Variants in REPS2 observed in about 807,000 individuals in gnomAD.
REPS2 encodes the protein ralBP1-associated Eps domain-containing protein 2.
In REPS2, 23 loss-of-function variants were observed where a neutral mutation model predicts 53.6. The ratio of observed to expected loss-of-function variants is 0.43; its 90% CI spans 0.31 to 0.61. The LOEUF (loss-of-function observed/expected upper bound fraction) is 0.61. Among genes scored for constraint, REPS2 ranks in the 20% least tolerant of loss-of-function variants. REPS2 has a pLI of 0.11. For missense variants in REPS2, 446 were observed against 534.9 expected (o/e 0.83, Z 1.64); for synonymous variants, 238 against 218.6 (o/e 1.09, Z -0.78).
chrX:17,140,418 C>T (rs989958369), intron 17 of REPS2, among the ~76,000 whole-genome samples: 1 of 110,583 alleles, frequency 9.0e-6, no homozygotes, highest in Non-Finnish European at 1.9e-5. Context: ...TTTTATACCC[C>T]AACCCCATTT....
intron 1 of REPS2, among the ~76,000 whole-genome samples, chrX:16,959,541 A>G (rs1355234765): frequency 8.9e-6 from 1 of 111,777 alleles, no homozygotes; most frequent in Non-Finnish European, 1.9e-5. Flanking sequence ...AAAGGTTGCT[A>G]TGGGAATGGA....
At chrX:17,080,422 C>T (rs1436919870) in intron 13 of REPS2, among the ~76,000 whole-genome samples, 1 of 110,553 alleles carries the variant, frequency 9.0e-6, no homozygotes, top group East Asian at 2.8e-4. Context: ...CTCCCCTTGC[C>T]AAGCTCCCCC....
rs779700957 is a variant in REPS2 at position 17,148,864 on chromosome X, G to C, written c.*1383G>C. On this transcript the variant is annotated 3_prime_UTR_variant, in exon 18 of 18. Transcript: ENST00000357277. Reference sequence around the variant, plus strand: ...CCCATTCTTAGGGTAGCAGGGTGGGGGTGTATAGGGTCTTTTTGAAGCAGT... The same window carrying C: ...CCCATTCTTAGGGTAGCAGGGTGGGCGTGTATAGGGTCTTTTTGAAGCAGT... The C allele has an allele frequency of 2.7e-6, 1 of 365,320 alleles. No homozygotes were observed. Among genetic ancestry groups the C allele is most frequent in the Non-Finnish European group, 5.3e-6 (1 of 188,526 alleles). The allele number at this position is 365,320 out of a possible 1,213,427, so 30.1% of individuals were successfully genotyped here.
At chrX:17,074,006 G>A in intron 11 of REPS2, 108 bp from the exon 12 acceptor site, 1 of 545,229 alleles carries the variant, frequency 1.8e-6, no homozygotes, top group South Asian at 3.9e-5. Flanking sequence ...CTCCACATGG[G>A]CACTTTTACC....
the REPS2 span, among the ~76,000 whole-genome samples, chrX:17,190,605 G>T: frequency 8.9e-6 from 1 of 111,992 alleles, no homozygotes; most frequent in Non-Finnish European, 1.9e-5. Flanking sequence ...ATTTTTTTGG[G>T]GGGTAGATAT....
intron 14 of REPS2, among the ~76,000 whole-genome samples, chrX:17,108,219 G>T (rs1317176186): frequency 9.3e-6 from 1 of 107,800 alleles, no homozygotes; most frequent in African/African-American, 3.4e-5. Context: ...TGTTGCCCAG[G>T]CTGGAGTGCA....
chrX:17,087,937 G>GATAA (rs1360429434), intron 13 of REPS2, among the ~76,000 whole-genome samples: 1 of 55,237 alleles, frequency 1.8e-5, no homozygotes, highest in African/African-American at 6.8e-5. Flanking sequence ...TAGATAGATA[G>GATAA]ATAGATAGAT....
At chrX:17,040,862 A>G (rs1057261547) in intron 5 of REPS2, among the ~76,000 whole-genome samples, 3 of 111,911 alleles carry the variant, frequency 2.7e-5, no homozygotes, top group African/African-American at 6.5e-5. Context: ...GTCTAATGTC[A>G]TTGGTCAGAT....
intron 1 of REPS2, among the ~76,000 whole-genome samples, chrX:16,967,613 G>T (rs1394079532): frequency 9.0e-6 from 1 of 110,680 alleles, no homozygotes; most frequent in Non-Finnish European, 1.9e-5. Context: ...GGAGGGAGAC[G>T]TGATCACACC....
the REPS2 span, among the ~76,000 whole-genome samples, chrX:17,186,578 G>A: frequency 8.9e-6 from 1 of 112,061 alleles, no homozygotes; most frequent in Admixed American, 9.5e-5. Flanking sequence ...ATTACCAGTA[G>A]TAAACATAAT....
intron 5 of REPS2, among the ~76,000 whole-genome samples, chrX:17,044,793 A>G (rs1206116963): frequency 8.9e-6 from 1 of 111,965 alleles, no homozygotes; most frequent in African/African-American, 3.3e-5. Context: ...TGTTCTACCA[A>G]TGGAACCTGG....
chrX:17,129,720 C>G (rs1344760227), intron 14 of REPS2, among the ~76,000 whole-genome samples: 1 of 112,199 alleles, frequency 8.9e-6, no homozygotes, highest in Non-Finnish European at 1.9e-5. Flanking sequence ...GAAAAGGAGG[C>G]AATAACAAAG....
At chrX:17,126,065 A>G (rs1190436651) in intron 14 of REPS2, among the ~76,000 whole-genome samples, 1 of 112,418 alleles carries the variant, frequency 8.9e-6, no homozygotes, top group Non-Finnish European at 1.9e-5. Flanking sequence ...AAAAATGCAT[A>G]ATTTATTAAT....
rs773392773 is a variant in REPS2 at position 17,024,122 on chromosome X, CAAAAAAA to C, written c.547-925_547-919del. On this transcript the variant is annotated intron_variant, in intron 3 of 17. Transcript: ENST00000357277. Reference sequence around the variant, plus strand: ...TGGGCAACATAGCAAGACCTCATTTCAAAAAAAAAAAAAAAAAATTAGCTGTGTGTGG... The same window carrying C: ...TGGGCAACATAGCAAGACCTCATTTCAAAAAAAAAAATTAGCTGTGTGTGG... 4.6e-5 allele frequency among the ~76,000 whole-genome samples: 3 copies of C among 65,465 alleles called. No homozygotes were observed. In the South Asian group the frequency reaches 2.1e-3, roughly 46 times the overall value. The allele number at this position is 65,465 out of a possible 115,157, so 56.8% of individuals were successfully genotyped here.
At chrX:17,083,235 C>T (rs1321480349) in intron 13 of REPS2, among the ~76,000 whole-genome samples, 1 of 109,678 alleles carries the variant, frequency 9.1e-6, no homozygotes, top group Non-Finnish European at 1.9e-5. Context: ...CAGGCACCTG[C>T]CACCACGCCC....
chrX:17,166,418 C>T, the REPS2 span, among the ~76,000 whole-genome samples: 1 of 111,784 alleles, frequency 8.9e-6, no homozygotes, highest in Non-Finnish European at 1.9e-5. Flanking sequence ...TAAATGAGCC[C>T]AGAACATTAT....
chrX:17,131,777 G>A (rs1024407662), intron 14 of REPS2, among the ~76,000 whole-genome samples: 3 of 110,804 alleles, frequency 2.7e-5, no homozygotes, highest in Non-Finnish European at 5.7e-5. Context: ...GTGCTTTGGG[G>A]ACATTCCTTG....
At chrX:16,979,391 A>G (rs936139339) in intron 1 of REPS2, among the ~76,000 whole-genome samples, 2 of 112,069 alleles carry the variant, frequency 1.8e-5, no homozygotes, top group African/African-American at 6.5e-5. Flanking sequence ...ACTTACTTCA[A>G]TATTGATTAA....
At chrX:17,160,264 C>T in the REPS2 span, among the ~76,000 whole-genome samples, 1 of 112,132 alleles carries the variant, frequency 8.9e-6, no homozygotes, top group African/African-American at 3.2e-5. Flanking sequence ...AAAAGGGAAC[C>T]AGTACTTGAT....
Sources: allele counts gnomAD v4.1 joint callset (sites outside exome capture counted in the v4.1 genomes callset), GRCh38; gene constraint gnomAD v4.1.1; transcripts MANE v1.5; gene names NCBI Gene and HGNC (gene_info 2026-07-23, HGNC 2026-07-21).